The following SDK1 variants were observed in gnomAD, a reference collection of about 807,000 sequenced individuals.
The protein encoded by SDK1 is sidekick cell adhesion molecule 1.
In SDK1, 157 loss-of-function variants were observed where a neutral mutation model predicts 245.5. That is an observed-to-expected ratio of 0.64 (90% CI 0.56 to 0.73). The LOEUF (loss-of-function observed/expected upper bound fraction) is 0.73. Among genes scored for constraint, SDK1 ranks in the 30% least tolerant of loss-of-function variants. The probability of loss-of-function intolerance (pLI) is 0.00; values close to 1 mark genes in which losing one functional copy is unlikely to be tolerated. For missense variants in SDK1, 3,583 were observed against 3,002.3 expected, an observed-to-expected ratio of 1.19 and a Z score of -4.52; for synonymous variants, 1,647 against 1,278.5, an observed-to-expected ratio of 1.29 and a Z score of -6.15.
Position 3,974,493 on chromosome 7 carries a change from G to T in SDK1, c.1942G>T (p.Glu648Ter). ...WSGDIGDYSC[E>*]IVSEGGNDSR... The stretch of plus-strand genomic sequence containing the variant: ...AGGCGACATCGGTGACTACAGCTGC[G>T]AGATTGTTTCTGAAGGAGGGAATGA... Residue 648 changes from glutamate (E) to a stop codon, truncating the protein, a stop_gained, in exon 13 of 45, where the codon GAG becomes TAG. Coordinates refer to ENST00000404826, the MANE Select transcript of SDK1 (RefSeq NM_152744.4). LOFTEE classifies it high-confidence loss of function. The T allele has an allele frequency of 6.2e-7, 1 of 1,614,178 alleles. No individual in the cohort carries two copies. The highest frequency in any genetic ancestry group is 8.5e-7 in the Non-Finnish European group (1 of 1,180,036).
chr7:4,064,682 C>G (rs539171335), intron 19 of SDK1, among the ~76,000 whole-genome samples: 1 of 152,018 alleles, frequency 6.6e-6, no homozygotes, highest in Non-Finnish European at 1.5e-5. Flanking sequence ...AGTAGACCAA[C>G]GGATAAGAAA....
intron 1 of SDK1, among the ~76,000 whole-genome samples, chr7:3,565,959 A>G (rs1779901738): frequency 6.6e-6 from 1 of 152,218 alleles, no homozygotes; most frequent in African/African-American, 2.4e-5. Flanking sequence ...AATTTATTCT[A>G]GTAGTATCCA....
At chr7:4,060,350 G>T (rs1485356684) in intron 19 of SDK1, among the ~76,000 whole-genome samples, 2 of 152,148 alleles carry the variant, frequency 1.3e-5, no homozygotes, top group African/African-American at 2.4e-5. Flanking sequence ...AAAATTAGTA[G>T]AAGGAAAGAT....
At chr7:4,112,492 C>T (rs560176300) in intron 23 of SDK1, among the ~76,000 whole-genome samples, 2 of 152,314 alleles carry the variant, frequency 1.3e-5, no homozygotes, top group Non-Finnish European at 2.9e-5. Flanking sequence ...ATGCAGAGTG[C>T]CGTTGATCAT....
At chr7:3,374,567 A>G (rs908833992) in intron 1 of SDK1, among the ~76,000 whole-genome samples, 13 of 152,158 alleles carry the variant, frequency 8.5e-5, no homozygotes, top group Middle Eastern at 3.4e-3. Context: ...AGGTCTTCCA[A>G]TTTAACCTAC....
chr7:3,456,142 A>C (rs1402775353), intron 1 of SDK1, among the ~76,000 whole-genome samples: 1 of 152,128 alleles, frequency 6.6e-6, no homozygotes, highest in Non-Finnish European at 1.5e-5. Flanking sequence ...TGTTTTTCTC[A>C]CTGATTTCAA....
At chr7:3,550,154 A>C (rs1183065285) in intron 1 of SDK1, among the ~76,000 whole-genome samples, 1 of 152,202 alleles carries the variant, frequency 6.6e-6, no homozygotes, top group East Asian at 1.9e-4. Context: ...ATCTCAATAT[A>C]TGCATATCTC....
At chr7:3,531,089 A>G (rs191318994) in intron 1 of SDK1, among the ~76,000 whole-genome samples, 28 of 152,298 alleles carry the variant, frequency 1.8e-4, no homozygotes, top group South Asian at 1.7e-3. Context: ...TAAGAGTCTA[A>G]CAAGATTTGA....
chr7:4,011,111 CA>C lies in SDK1; in HGVS notation c.2278del (p.Arg760GlyfsTer2). On this transcript the variant is annotated frameshift_variant and splice_region_variant, in exon 15 of 45. Transcript: ENST00000404826. LOFTEE classifies it high-confidence loss of function. ...GRGQYSAETS[R>X]LMLPEEPPSA... ...GGGGCCAGTACAGCGCCGAGACAAG[CA>C]GGTGCGTGAATCCCGCCCCAGGTGG... 6.2e-7 allele frequency: 1 copy of C among 1,613,520 alleles called. No homozygotes were observed. Among genetic ancestry groups the C allele is most frequent in the Non-Finnish European group, 8.5e-7 (1 of 1,179,944 alleles).
At chr7:4,030,399 T>C (rs1787709177) in intron 17 of SDK1, among the ~76,000 whole-genome samples, 1 of 152,222 alleles carries the variant, frequency 6.6e-6, no homozygotes, top group Non-Finnish European at 1.5e-5. Context: ...ATCCTCCTTA[T>C]GATGTACACC....
Position 3,926,055 on chromosome 7 carries a change from G to C in SDK1, c.848-24868G>C, listed in dbSNP as rs138840263. 3.3e-3 allele frequency among the ~76,000 whole-genome samples: 508 copies of C among 152,308 alleles called. 1 individual carries two copies. The highest frequency in any genetic ancestry group is 5.4e-3 in the Non-Finnish European group (366 of 68,030). On this transcript the variant is annotated intron_variant, in intron 5 of 44. Coordinates refer to ENST00000404826, the MANE Select transcript of SDK1 (RefSeq NM_152744.4). ...GAGGAGGATGTTGAGTGACTTCAGG[G>C]AAATCAGTGTCACCTATGCAGAGTC...
At chr7:4,140,128 G>A (rs1779476707) in intron 28 of SDK1, among the ~76,000 whole-genome samples, 1 of 152,162 alleles carries the variant, frequency 6.6e-6, no homozygotes, top group Admixed American at 6.5e-5. Flanking sequence ...TCTGGCTGCT[G>A]CAGACAGTGG....
intron 1 of SDK1, among the ~76,000 whole-genome samples, chr7:3,496,411 T>C (rs1175302989): frequency 1.3e-5 from 2 of 152,206 alleles, no homozygotes; most frequent in African/African-American, 4.8e-5. Flanking sequence ...TCTTTATAGA[T>C]GATAAATAAT....
chr7:4,125,151 T>TATGG (rs1414064517), intron 25 of SDK1, among the ~76,000 whole-genome samples: 4 of 109,684 alleles, frequency 3.6e-5, no homozygotes, highest in Admixed American at 9.5e-5. Context: ...ATGATCGATT[T>TATGG]ATGGATGGAT....
chr7:3,607,528 C>G (rs991686256), intron 1 of SDK1, among the ~76,000 whole-genome samples: 6 of 152,130 alleles, frequency 3.9e-5, no homozygotes, highest in Admixed American at 6.5e-5. Flanking sequence ...TAGACGTTTA[C>G]TAGGTATTTA....
intron 1 of SDK1, among the ~76,000 whole-genome samples, chr7:3,353,901 G>A (rs945147675): frequency 1.3e-5 from 2 of 152,112 alleles, no homozygotes; most frequent in East Asian, 1.9e-4. Context: ...CATCCATGAG[G>A]TTGGAGGTGA....
At chr7:3,579,508 T>C (rs1337962039) in intron 1 of SDK1, among the ~76,000 whole-genome samples, 1 of 152,202 alleles carries the variant, frequency 6.6e-6, no homozygotes, top group Non-Finnish European at 1.5e-5. Flanking sequence ...ATAAACTACG[T>C]GTTGAAGGAA....
chr7:3,518,199 A>G (rs1321452642), intron 1 of SDK1, among the ~76,000 whole-genome samples: 2 of 152,166 alleles, frequency 1.3e-5, no homozygotes, highest in Admixed American at 1.3e-4. Flanking sequence ...TTTATTTTGT[A>G]CTATTCTTTC....
intron 5 of SDK1, among the ~76,000 whole-genome samples, chr7:3,901,114 C>T (rs557661403): frequency 6.6e-6 from 1 of 152,278 alleles, no homozygotes; most frequent in South Asian, 2.1e-4. Context: ...AGTTGTTTGG[C>T]AGAATGTCCT....
Sources: gnomAD v4.1 joint callset for allele counts (sites outside exome capture counted in the v4.1 genomes callset) on GRCh38, gnomAD v4.1.1 for gene constraint, MANE v1.5 for transcripts, NCBI Gene and HGNC (gene_info 2026-07-23, HGNC 2026-07-21) for gene names.